The following ATE1 variants were observed in gnomAD, a reference collection of about 807,000 sequenced individuals.
ATE1 encodes the protein arginyl-tRNA--protein transferase 1.
Under a neutral mutation model 70.5 loss-of-function variants are expected in ATE1, and 36 were observed. The observed-to-expected ratio is 0.51, with a 90% CI of 0.39 to 0.67. The LOEUF (loss-of-function observed/expected upper bound fraction) is 0.67. ATE1 is among the 30% of genes least tolerant of loss of function. ATE1 has a pLI of 0.00. For missense variants in ATE1, 593 were observed against 629.5 expected, an observed-to-expected ratio of 0.94 and a Z score of 0.62; for synonymous variants, 232 against 219.3, an observed-to-expected ratio of 1.06 and a Z score of -0.51.
At chr10:121,910,828 T>G (rs541094721) in intron 5 of ATE1, 78 bp downstream of exon 5, 437 of 1,590,774 alleles carry the variant, frequency 2.7e-4, no homozygotes, top group Non-Finnish European at 3.5e-4. Flanking sequence ...TTTTGGCTGA[T>G]GGAAAGACCC....
intron 7 of ATE1, among the ~76,000 whole-genome samples, chr10:121,891,980 T>A (rs1193202716): frequency 6.6e-6 from 1 of 152,136 alleles, no homozygotes; most frequent in Non-Finnish European, 1.5e-5. Flanking sequence ...TCTTTCTGCA[T>A]TAGAGCAGAA....
intron 11 of ATE1, among the ~76,000 whole-genome samples, chr10:121,766,596 GA>G (rs1285399509): frequency 6.6e-6 from 1 of 151,822 alleles, no homozygotes; most frequent in Non-Finnish European, 1.5e-5. Context: ...AACACACACA[GA>G]CTAAAAAATC....
At chr10:121,761,032 A>C (rs572792646) in intron 11 of ATE1, among the ~76,000 whole-genome samples, 3 of 152,266 alleles carry the variant, frequency 2.0e-5, no homozygotes, top group African/African-American at 7.2e-5. Flanking sequence ...GCGAGTTCTC[A>C]TTCTATTAGT....
At chr10:121,854,442 C>G (rs191696526) in intron 8 of ATE1, among the ~76,000 whole-genome samples, 112 of 152,268 alleles carry the variant, frequency 7.4e-4, no homozygotes, top group African/African-American at 2.5e-3. Flanking sequence ...TGGAGGTCAT[C>G]CACTGAGAAG....
chr10:121,863,399 G>A (rs530638108), intron 8 of ATE1, among the ~76,000 whole-genome samples: 22 of 150,928 alleles, frequency 1.5e-4, no homozygotes, highest in Admixed American at 5.9e-4. Flanking sequence ...GATTACAGGC[G>A]CCCGCCACCA....
intron 7 of ATE1, among the ~76,000 whole-genome samples, chr10:121,876,534 CATTT>C (rs944978038): frequency 3.3e-5 from 5 of 152,100 alleles, no homozygotes; most frequent in Non-Finnish European, 7.3e-5. Context: ...GTTAAAATAT[CATTT>C]ATTTACTACC....
At chr10:121,869,299 A>ACTT (rs1949770714) in intron 8 of ATE1, among the ~76,000 whole-genome samples, 2 of 152,218 alleles carry the variant, frequency 1.3e-5, no homozygotes, top group South Asian at 4.1e-4. Flanking sequence ...AAGTCCCACC[A>ACTT]CTTCTTCACA....
chr10:121,850,313 T>TAG (rs1949006454), intron 8 of ATE1, among the ~76,000 whole-genome samples: 2 of 152,236 alleles, frequency 1.3e-5, no homozygotes, highest in South Asian at 4.2e-4. Flanking sequence ...AGGGGTATCC[T>TAG]CCAACTCTCT....
intron 10 of ATE1, among the ~76,000 whole-genome samples, chr10:121,791,110 T>A (rs1946438105): frequency 7.0e-6 from 1 of 142,520 alleles, no homozygotes; most frequent in Non-Finnish European, 1.5e-5. Flanking sequence ...TTTTTTTTTT[T>A]TGAGATAGAT....
At chr10:121,888,513 T>C (rs1249955465) in intron 7 of ATE1, among the ~76,000 whole-genome samples, 1 of 152,146 alleles carries the variant, frequency 6.6e-6, no homozygotes. Context: ...CAACCGACAT[T>C]ACATGCTGCT....
At chr10:121,818,309 G>C (rs1053406526) in intron 10 of ATE1, among the ~76,000 whole-genome samples, 50 of 145,022 alleles carry the variant, frequency 3.4e-4, no homozygotes, top group African/African-American at 1.2e-3. Context: ...TTTAATTACT[G>C]AGTTATTAGC....
intron 5 of ATE1, 93 bp downstream of exon 5, chr10:121,910,813 C>A: frequency 6.5e-7 from 1 of 1,543,218 alleles, no homozygotes; most frequent in Admixed American, 1.9e-5. Context: ...ACGACTAAGT[C>A]ATCCTTTTGG....
At chr10:121,902,023 T>G (rs1157756670) in intron 6 of ATE1, among the ~76,000 whole-genome samples, 11 of 152,182 alleles carry the variant, frequency 7.2e-5, no homozygotes, top group Non-Finnish European at 2.9e-5. Context: ...GTGATTTGCC[T>G]TGTGTAATCT....
intron 11 of ATE1, among the ~76,000 whole-genome samples, chr10:121,778,752 C>T (rs1945853785): frequency 6.6e-6 from 1 of 151,922 alleles, no homozygotes; most frequent in Admixed American, 6.6e-5. Context: ...CAGACGCACA[C>T]CACCACGCCC....
intron 10 of ATE1, among the ~76,000 whole-genome samples, chr10:121,802,499 G>C (rs1590340474): frequency 6.6e-6 from 1 of 152,046 alleles, no homozygotes; most frequent in Middle Eastern, 3.4e-3. Flanking sequence ...AGTAGAGACA[G>C]GGTTTCACCA....
intron 10 of ATE1, among the ~76,000 whole-genome samples, chr10:121,835,737 T>C (rs563870556): frequency 3.3e-5 from 5 of 152,224 alleles, no homozygotes; most frequent in Middle Eastern, 6.8e-3. Flanking sequence ...CACTACAATA[T>C]TGGCAGATTA....
chr10:121,864,197 C>T (rs986756531), intron 8 of ATE1, among the ~76,000 whole-genome samples: 2 of 152,124 alleles, frequency 1.3e-5, no homozygotes, highest in South Asian at 2.1e-4. Context: ...GGACTGGTTT[C>T]GTGGAAGACA....
At chr10:121,858,676 T>TATTTTATATATATAATATAC (rs1590528191) in intron 8 of ATE1, among the ~76,000 whole-genome samples, 1 of 139,822 alleles carries the variant, frequency 7.2e-6, no homozygotes, top group Non-Finnish European at 1.5e-5. Context: ...ATATAATATA[T>TATTTTATATATATAATATAC]ATATTTTTAT....
intron 1 of ATE1, chr10:121,927,321 C>G (rs1952133985): frequency 2.0e-6 from 2 of 984,526 alleles, no homozygotes; most frequent in South Asian, 9.4e-5. Context: ...TCACCAGTTT[C>G]TTGTCCTTTT....
Sources: gnomAD v4.1 joint callset for allele counts (sites outside exome capture counted in the v4.1 genomes callset) on GRCh38, gnomAD v4.1.1 for gene constraint, MANE v1.5 for transcripts, NCBI Gene and HGNC (gene_info 2026-07-23, HGNC 2026-07-21) for gene names.